Variants in TPR observed in about 807,000 individuals in gnomAD.
TPR encodes the protein nucleoprotein TPR.
A neutral mutation model predicts 316.1 loss-of-function variants in TPR; 51 were observed. The observed-to-expected ratio is 0.16, with a 90% CI of 0.13 to 0.20. The LOEUF is 0.20. Among genes scored for constraint, TPR ranks in the 10% least tolerant of loss-of-function variants. TPR has a pLI of 1.00. For synonymous variants in TPR, 981 were observed against 914.7 expected, an observed-to-expected ratio of 1.07 and a Z score of -1.31; for missense variants, 2,272 against 2,754.8, an observed-to-expected ratio of 0.82 and a Z score of 3.92.
chr1:186,340,572 C>T (rs923489639), intron 29 of TPR, among the ~76,000 whole-genome samples: 6 of 151,924 alleles, frequency 3.9e-5, no homozygotes, highest in African/African-American at 9.7e-5. Context: ...GATGGGACTA[C>T]AGGCATGTAC....
rs1268128990 is a variant in TPR at position 186,313,120 on chromosome 1, CCA to C, written c.*849_*850del. 9.2e-6 allele frequency: 5 copies of C among 541,602 alleles called. No homozygotes were observed. The highest frequency in any genetic ancestry group is 3.1e-5 in the Admixed American group (1 of 32,292). 33.5% of individuals were successfully genotyped at this position (541,602 alleles called of 1,614,324 possible). A position where few individuals can be genotyped will look rare whatever the true frequency, so the allele number is the denominator to read the frequency against. On this transcript the variant is annotated 3_prime_UTR_variant, in exon 51 of 51. Transcript: ENST00000367478. ...CCTTCATGAGATTACGATAAAACATCCAGTTACTAGAGTAAACTTGCTACTGA... is the reference window on the plus strand; with the variant it reads ...CCTTCATGAGATTACGATAAAACATCGTTACTAGAGTAAACTTGCTACTGA...
At chr1:186,361,913 T>A in intron 7 of TPR, 44 bp from the exon 8 acceptor site, 1 of 1,564,548 alleles carries the variant, frequency 6.4e-7, no homozygotes, top group Non-Finnish European at 8.7e-7. Flanking sequence ...TTGAACTAAA[T>A]TTAGAATGCT....
chr1:186,368,289 C>A (rs892092938), intron 3 of TPR, among the ~76,000 whole-genome samples: 15 of 152,136 alleles, frequency 9.9e-5, no homozygotes, highest in African/African-American at 3.6e-4. Flanking sequence ...AAGAAAGATT[C>A]CTAAAAATTG....
chr1:186,318,007 G>A (rs546394764), intron 48 of TPR, among the ~76,000 whole-genome samples: 21 of 152,166 alleles, frequency 1.4e-4, no homozygotes, highest in South Asian at 4.1e-4. Flanking sequence ...ACCAAACCAC[G>A]GGCTCTAGCC....
Position 186,327,584 on chromosome 1 carries a change from G to A in TPR, c.5765C>T (p.Pro1922Leu), listed in dbSNP as rs780513889. The change falls in exon 40 of 51, where the codon CCA becomes CTA. Residue 1922 changes from proline to leucine, a missense_variant. By Grantham distance (98) the Pro-to-Leu change is moderately conservative. Transcript: ENST00000367478. ...TGTCGTCTGCTGATCTGATTGAAGT[G>A]GCCCAAGATCTATTTGTAGAGACTG... The part of the protein sequence containing the change: ...TSQSLQIDLG[P>L]LQSDQQTTTS... 6 of 1,612,664 alleles carry A rather than the reference G, an allele frequency of 3.7e-6. No homozygotes were observed. Among genetic ancestry groups the A allele is most frequent in the East Asian group, 2.2e-5 (1 of 44,756 alleles).
chr1:186,350,489 C>T (rs1267676298), intron 20 of TPR, 101 bp from the exon 21 acceptor site: 4 of 871,966 alleles, frequency 4.6e-6, no homozygotes, highest in Admixed American at 3.6e-5. Context: ...AAGAGAGTAA[C>T]AGAAAACAGA....
chr1:186,365,566 C>CT (rs1301501516), intron 4 of TPR, among the ~76,000 whole-genome samples: 2 of 152,086 alleles, frequency 1.3e-5, no homozygotes, highest in Non-Finnish European at 2.9e-5. Flanking sequence ...AGAGATGATA[C>CT]TTTGTGAAAA....
At chr1:186,339,306 C>A (rs1262130183) in intron 30 of TPR, among the ~76,000 whole-genome samples, 1 of 151,966 alleles carries the variant, frequency 6.6e-6, no homozygotes, top group African/African-American at 2.4e-5. Flanking sequence ...AAACCCACTT[C>A]CCTTATAGAG....
At position 186,326,150 on chromosome 1, in the gene TPR, G is replaced by A; in HGVS notation, c.5975C>T (p.Thr1992Ile). The A allele has an allele frequency of 1.2e-6, 2 of 1,612,432 alleles. No homozygotes were observed. The highest frequency in any genetic ancestry group is 2.2e-5 in the South Asian group (2 of 91,046). ...ACCATCATTGCCATCGGCACTACCA[G>A]TTCCTTCATTACTATCTTCACCCTC... ...GDEGEDSNEG[T>I]GSADGNDGYE... The change falls in exon 41 of 51, where the codon ACT becomes ATT. Residue 1992 changes from threonine to isoleucine, a missense_variant. Thr to Ile is a moderately conservative substitution (Grantham distance 89, BLOSUM62 -1). Transcript: ENST00000367478.
intron 46 of TPR, among the ~76,000 whole-genome samples, chr1:186,319,822 T>TACTTA (rs1421242818): frequency 1.3e-5 from 2 of 152,220 alleles, no homozygotes; most frequent in Admixed American, 1.3e-4. Flanking sequence ...CTAATTCTAC[T>TACTTA]ACTTAATGTA....
At position 186,322,600 on chromosome 1, in the gene TPR, T is replaced by C. The variant is rs1657803751; in HGVS notation, c.6298-14A>G. On this transcript the variant is annotated splice_polypyrimidine_tract_variant and intron_variant, in intron 43 of 50. Coordinates refer to ENST00000367478, the MANE Select transcript of TPR (RefSeq NM_003292.3). ...CATCTGAATTCTCTGCGTGTCAAGATAAAGGAATTACATTTGCTTTAAGAA... is the reference window on the plus strand; with the variant it reads ...CATCTGAATTCTCTGCGTGTCAAGACAAAGGAATTACATTTGCTTTAAGAA... 3.7e-6 allele frequency: 6 copies of C among 1,613,816 alleles called. No homozygotes were observed. Among genetic ancestry groups the C allele is most frequent in the South Asian group, 1.1e-5 (1 of 91,062 alleles).
At chr1:186,318,337 AACAAAAAAAAAC>A (rs1340045570) in intron 48 of TPR, 98 bp downstream of exon 48, 1 of 1,423,224 alleles carries the variant, frequency 7.0e-7, no homozygotes, top group Non-Finnish European at 9.4e-7. Flanking sequence ...CAAAAAAAAA[AACAAAAAAAAAC>A]AAAACACAAC....
At chr1:186,325,739 CA>C in intron 42 of TPR, 24 bp downstream of exon 42, 2 of 1,591,424 alleles carry the variant, frequency 1.3e-6, no homozygotes, top group Non-Finnish European at 8.6e-7. Flanking sequence ...ATATTCAATT[CA>C]AAAAAGGCTA....
At chr1:186,333,997 A>G (rs1658260547) in intron 36 of TPR, among the ~76,000 whole-genome samples, 1 of 152,182 alleles carries the variant, frequency 6.6e-6, no homozygotes, top group Non-Finnish European at 1.5e-5. Context: ...ACAGAATAAA[A>G]TACAAAGTTG....
intron 4 of TPR, among the ~76,000 whole-genome samples, chr1:186,366,223 A>G (rs1162868548): frequency 6.6e-6 from 1 of 152,146 alleles, no homozygotes; most frequent in Non-Finnish European, 1.5e-5. Flanking sequence ...CTACCTCTGC[A>G]ACCTGACCCA....
In TPR at chr1:186,338,101, T is replaced by C. The variant is rs776693266; in HGVS notation, c.4294A>G (p.Thr1432Ala). The C allele has an allele frequency of 6.2e-7, 1 of 1,612,704 alleles. No individual in the cohort carries two copies. Among genetic ancestry groups the C allele is most frequent in the Non-Finnish European group, 8.5e-7 (1 of 1,179,498 alleles). The stretch of plus-strand genomic sequence containing the variant: ...CTACGTCCAATTTTCTTAACTTGAG[T>C]AATAGTTTTGACTTTTTCTTGGATA... Reference protein sequence around the residue: ...IDIQEKVKTITQVKKIGRRYK... With the variant: ...IDIQEKVKTIAQVKKIGRRYK... The change falls in exon 31 of 51, where the codon ACT becomes GCT. Residue 1432 changes from threonine to alanine, a missense_variant. Physicochemically the swap from Thr to Ala is moderately conservative, Grantham distance 58. This residue lies in a region of TPR where 3 missense variants were observed against 17.2 expected (regional missense o/e 0.17). Coordinates refer to ENST00000367478, the MANE Select transcript of TPR (RefSeq NM_003292.3).
chr1:186,373,415 C>T lies in TPR; in HGVS notation c.200G>A (p.Arg67Lys). Residue 67 changes from arginine (R) to lysine (K), a missense_variant, in exon 2 of 51, where the codon AGA (arginine) becomes AAA (lysine). Around this residue, in one of 10 missense-constraint regions of TPR, gnomAD observed 549 missense variants for 598.6 expected, o/e 0.92. Transcript: ENST00000367478. ...ACACTCTCGGGTTTCATTCACAAGT[C>T]TCTCCTGACTGTGGGACAACCTCTT... ...IEKRLSHSQE[R>K]LVNETRECQS... 3.1e-6 allele frequency: 5 copies of T among 1,613,544 alleles called. 1 individual carries two copies. In the South Asian group the frequency reaches 5.5e-5, roughly 18 times the overall value.
rs1399677940 is a variant in TPR, at chr1:186,350,537, CA to C, written c.2611-150del. On this transcript the variant is annotated intron_variant, in intron 20 of 50. Transcript: ENST00000367478. ...CCTGAAACAGCCAAAAAAAACCAGA[CA>C]AAACACATGAAACAACCGAGATCCT... 2.1e-5 allele frequency: 12 copies of C among 567,252 alleles called. No homozygotes were observed. The Admixed American group carries it at 3.3e-4, about 16-fold the overall frequency. The allele number at this position is 567,252 out of a possible 1,614,324, so 35.1% of individuals were successfully genotyped here.
chr1:186,367,152 C>T (rs1005477480), intron 4 of TPR, among the ~76,000 whole-genome samples: 13 of 149,972 alleles, frequency 8.7e-5, no homozygotes, highest in Admixed American at 1.3e-4. Flanking sequence ...CTACAACCTC[C>T]GGCTCCTGGG....
Sources: gnomAD v4.1 joint callset for allele counts (sites outside exome capture counted in the v4.1 genomes callset) on GRCh38, gnomAD v4.1.1 for gene constraint, gnomAD v4.1.1 regional missense constraint, MANE v1.5 for transcripts, NCBI Gene and HGNC (gene_info 2026-07-23, HGNC 2026-07-21) for gene names.